The following TSPAN12 variants were observed in gnomAD, a reference collection of about 807,000 sequenced individuals.
The protein encoded by TSPAN12 is tetraspanin 12, also known as tetraspanin-12.
In TSPAN12, 19 loss-of-function variants were observed where a neutral mutation model predicts 39.2. That is an observed-to-expected ratio of 0.49 (90% CI 0.34 to 0.71). TSPAN12 has a LOEUF of 0.71. Among genes scored for constraint, TSPAN12 ranks in the 30% least tolerant of loss-of-function variants. The pLI is 0.01. For missense variants in TSPAN12, 314 were observed against 359.9 expected, an observed-to-expected ratio of 0.87 and a Z score of 1.03; for synonymous variants, 119 against 124.8, an observed-to-expected ratio of 0.95 and a Z score of 0.31.
intron 6 of TSPAN12, among the ~76,000 whole-genome samples, chr7:120,808,751 C>T (rs142603906): frequency 1.1e-4 from 17 of 152,154 alleles, no homozygotes; most frequent in African/African-American, 4.1e-4. Context: ...GAATGAGGAG[C>T]AAAGGAGACT....
At chr7:120,853,872 CAAA>C (rs749642006) in intron 2 of TSPAN12, among the ~76,000 whole-genome samples, 6 of 97,770 alleles carry the variant, frequency 6.1e-5, no homozygotes, top group African/African-American at 1.1e-4. Context: ...GACTCCGTCC[CAAA>C]AAAAAAAAAA....
At chr7:120,850,044 G>T (rs1207405493) in intron 2 of TSPAN12, among the ~76,000 whole-genome samples, 1 of 152,216 alleles carries the variant, frequency 6.6e-6, no homozygotes, top group Admixed American at 6.5e-5. Context: ...TCTACCAGGG[G>T]AAGGGCAGAA....
intron 2 of TSPAN12, among the ~76,000 whole-genome samples, chr7:120,849,833 TG>T (rs908810733): frequency 6.6e-6 from 1 of 152,228 alleles, no homozygotes; most frequent in Admixed American, 6.5e-5. Context: ...CTGATCCTCC[TG>T]CCTTGGCCTC....
At chr7:120,810,898 C>A (rs1793969125) in intron 5 of TSPAN12, among the ~76,000 whole-genome samples, 1 of 152,146 alleles carries the variant, frequency 6.6e-6, no homozygotes, top group Non-Finnish European at 1.5e-5. Context: ...TGAAGACTTT[C>A]ACATAACAAA....
chr7:120,837,306 C>T (rs1184055335), intron 4 of TSPAN12, among the ~76,000 whole-genome samples: 1 of 142,192 alleles, frequency 7.0e-6, no homozygotes, highest in African/African-American at 2.8e-5. Context: ...TTATTTTATT[C>T]ATTTATTTAT....
At chr7:120,819,166 T>A (rs1454432612) in intron 4 of TSPAN12, among the ~76,000 whole-genome samples, 1 of 152,046 alleles carries the variant, frequency 6.6e-6, no homozygotes, top group Non-Finnish European at 1.5e-5. Flanking sequence ...AACCAAAGCA[T>A]CCCTGAAAAG....
chr7:120,814,358 G>A (rs762368123), intron 5 of TSPAN12: 30 of 432,554 alleles, frequency 6.9e-5, no homozygotes, highest in South Asian at 1.7e-4. Context: ...GTCCTTGCCC[G>A]TTCCTCCCTG....
chr7:120,857,628 G>A (rs1794900467), intron 1 of TSPAN12, among the ~76,000 whole-genome samples, 192 bp downstream of exon 1: 1 of 152,210 alleles, frequency 6.6e-6, no homozygotes, highest in Non-Finnish European at 1.5e-5. Context: ...GCCGCCCGCG[G>A]AGCACAAAGC....
chr7:120,802,084 C>A lies in TSPAN12; in HGVS notation c.612+4465G>T, dbSNP rs1165588925. On this transcript the variant is annotated intron_variant, in intron 7 of 7. Transcript: ENST00000222747. ...TTCTCCAGATCAAGTCAAGACACTG[C>A]ACTTCAGTAACTGATATGATGAAAA... 2.0e-5 allele frequency among the ~76,000 whole-genome samples: 3 copies of A among 152,170 alleles called. No individual in the cohort carries two copies. In the East Asian group the frequency reaches 5.8e-4, roughly 29 times the overall value.
intron 4 of TSPAN12, 57 bp downstream of exon 4, chr7:120,838,720 T>G: frequency 6.4e-7 from 1 of 1,560,456 alleles, no homozygotes; most frequent in Non-Finnish European, 8.8e-7. Flanking sequence ...GATTAAAAAA[T>G]AATATATTAC....
intron 4 of TSPAN12, among the ~76,000 whole-genome samples, chr7:120,834,574 T>G (rs1794442947): frequency 6.6e-6 from 1 of 152,146 alleles, no homozygotes; most frequent in African/African-American, 2.4e-5. Flanking sequence ...ACAGCCCAGT[T>G]GCCAGCTCTT....
chr7:120,799,501 ATTAAT>A (rs1416220149), intron 7 of TSPAN12, among the ~76,000 whole-genome samples: 1 of 101,678 alleles, frequency 9.8e-6, no homozygotes, highest in Non-Finnish European at 1.9e-5. Flanking sequence ...ATTATTTTTA[ATTAAT>A]TAATTATATA....
chr7:120,800,645 T>C (rs1030632098), intron 7 of TSPAN12, among the ~76,000 whole-genome samples: 26 of 152,160 alleles, frequency 1.7e-4, no homozygotes, highest in African/African-American at 6.3e-4. Flanking sequence ...CGTGTTGTAT[T>C]CTGAATTGAG....
chr7:120,839,013 A>G (rs945805041), intron 3 of TSPAN12, 101 bp from the exon 4 acceptor site: 35 of 1,223,604 alleles, frequency 2.9e-5, no homozygotes, highest in Non-Finnish European at 3.9e-5. Context: ...AATTCTTTCA[A>G]TCATGATGCC....
chr7:120,799,742 T>G (rs1370529837), intron 7 of TSPAN12, among the ~76,000 whole-genome samples: 1 of 130,638 alleles, frequency 7.7e-6, no homozygotes, highest in East Asian at 2.0e-4. Context: ...CATTTATTTA[T>G]ATATATAATT....
At chr7:120,802,722 G>A (rs940727839) in intron 7 of TSPAN12, among the ~76,000 whole-genome samples, 1 of 152,012 alleles carries the variant, frequency 6.6e-6, no homozygotes, top group Non-Finnish European at 1.5e-5. Flanking sequence ...GAGGGTCAGA[G>A]GTATTTTCAT....
chr7:120,802,081 CT>C (rs1409535144), intron 7 of TSPAN12, among the ~76,000 whole-genome samples: 3 of 152,178 alleles, frequency 2.0e-5, no homozygotes, highest in Non-Finnish European at 4.4e-5. Flanking sequence ...AGTCAAGACA[CT>C]GCACTTCAGT....
Position 120,815,807 on chromosome 7 carries a change from T to C in TSPAN12, c.286-4A>G. On this transcript the variant is annotated splice_polypyrimidine_tract_variant and splice_region_variant and intron_variant, in intron 4 of 7. Coordinates refer to ENST00000222747, the MANE Select transcript of TSPAN12 (RefSeq NM_012338.4). ...TGACAAGCAAACTTCCAAAGTACTG[T>C]AGAAAAACAGAAAAGTATGCTGTTA... 1 of 1,611,094 alleles carries C rather than the reference T, an allele frequency of 6.2e-7. No individual in the cohort carries two copies. Among genetic ancestry groups the C allele is most frequent in the African/African-American group, 1.3e-5 (1 of 74,966 alleles).
intron 4 of TSPAN12, among the ~76,000 whole-genome samples, chr7:120,836,909 G>T (rs1040469845): frequency 6.6e-5 from 10 of 152,264 alleles, no homozygotes; most frequent in Non-Finnish European, 7.4e-5. Context: ...TGTTTCCAAA[G>T]CCTTTGTGGT....
Sources: allele counts gnomAD v4.1 joint callset (sites outside exome capture counted in the v4.1 genomes callset), GRCh38; gene constraint gnomAD v4.1.1; transcripts MANE v1.5; gene names NCBI Gene and HGNC (gene_info 2026-07-23, HGNC 2026-07-21).